EGFLAM: variants seen among roughly 807,000 people sequenced by gnomAD.
EGFLAM encodes the protein pikachurin.
A neutral mutation model predicts 113.1 loss-of-function variants in EGFLAM; 79 were observed. The observed-to-expected ratio is 0.70, with a 90% CI of 0.58 to 0.84. EGFLAM has a LOEUF of 0.84. Ranked by LOEUF, EGFLAM falls within the 40% of genes least tolerant of loss-of-function variation. EGFLAM has a pLI of 0.00. For synonymous variants in EGFLAM, 504 were observed against 487.6 expected (o/e 1.03, Z -0.44); for missense variants, 1,265 against 1,291.6 (o/e 0.98, Z 0.32).
chr5:38,369,542 T>C (rs1740150953), intron 5 of EGFLAM, among the ~76,000 whole-genome samples: 1 of 152,216 alleles, frequency 6.6e-6, no homozygotes, highest in Non-Finnish European at 1.5e-5. Context: ...GCTGGAGATA[T>C]ATATCTTATT....
chr5:38,442,088 C>T (rs1306851889), intron 17 of EGFLAM, among the ~76,000 whole-genome samples: 1 of 152,074 alleles, frequency 6.6e-6, no homozygotes, highest in Non-Finnish European at 1.5e-5. Flanking sequence ...TTACTTGAGT[C>T]ACATCATGTT....
chr5:38,348,923 A>G (rs1739544017), intron 3 of EGFLAM, among the ~76,000 whole-genome samples: 1 of 152,174 alleles, frequency 6.6e-6, no homozygotes, highest in African/African-American at 2.4e-5. Context: ...GCTTTAAACA[A>G]ATAGACTCCT....
chr5:38,325,314 A>G (rs1203212152), intron 1 of EGFLAM, among the ~76,000 whole-genome samples: 1 of 152,186 alleles, frequency 6.6e-6, no homozygotes, highest in Admixed American at 6.5e-5. Context: ...TTCCTCCACT[A>G]CCTCTGGCAA....
At chr5:38,446,582 G>A (rs1742721155) in intron 17 of EGFLAM, among the ~76,000 whole-genome samples, 1 of 152,072 alleles carries the variant, frequency 6.6e-6, no homozygotes, top group Non-Finnish European at 1.5e-5. Context: ...CCCAAACTAA[G>A]TGACAAGAGC....
At chr5:38,395,555 C>T (rs1740938418) in intron 6 of EGFLAM, among the ~76,000 whole-genome samples, 1 of 152,116 alleles carries the variant, frequency 6.6e-6, no homozygotes, top group Non-Finnish European at 1.5e-5. Context: ...CTGGTTTGAA[C>T]AACTTGCCCA....
At chr5:38,277,564 A>G (rs1344922642) in intron 1 of EGFLAM, among the ~76,000 whole-genome samples, 2 of 151,864 alleles carry the variant, frequency 1.3e-5, no homozygotes, top group African/African-American at 4.8e-5. Flanking sequence ...TAGCCAGAGA[A>G]ATTAGGCAAG....
intron 1 of EGFLAM, among the ~76,000 whole-genome samples, chr5:38,326,128 T>A (rs1266209794): frequency 6.6e-6 from 1 of 152,150 alleles, no homozygotes; most frequent in East Asian, 1.9e-4. Flanking sequence ...AGCCCTGGTC[T>A]TGGGCCTCTC....
intron 1 of EGFLAM, among the ~76,000 whole-genome samples, chr5:38,273,835 G>T (rs531011864): frequency 3.0e-4 from 46 of 152,304 alleles, no homozygotes; most frequent in Non-Finnish European, 5.1e-4. Flanking sequence ...TGGGAAACAT[G>T]ACATCATCAG....
chr5:38,443,042 G>A (rs113856782), intron 17 of EGFLAM, among the ~76,000 whole-genome samples: 1,859 of 152,174 alleles, frequency 0.012, 43 homozygotes, highest in African/African-American at 0.043. Flanking sequence ...GAGGCGGGCG[G>A]ATGACCTCAA....
intron 1 of EGFLAM, among the ~76,000 whole-genome samples, chr5:38,277,078 C>T (rs1757903353): frequency 6.6e-6 from 1 of 152,054 alleles, no homozygotes; most frequent in South Asian, 2.1e-4. Context: ...GCTAGCAGTA[C>T]CCTGATACCA....
intron 1 of EGFLAM, among the ~76,000 whole-genome samples, chr5:38,307,922 G>A (rs1177568805): frequency 6.6e-6 from 1 of 152,180 alleles, no homozygotes; most frequent in Non-Finnish European, 1.5e-5. Context: ...TCTTGGCTTT[G>A]ACTGCTGTCT....
intron 1 of EGFLAM, among the ~76,000 whole-genome samples, chr5:38,308,128 T>C (rs983520215): frequency 6.6e-6 from 1 of 152,252 alleles, no homozygotes; most frequent in African/African-American, 2.4e-5. Context: ...GCTTTTTAAA[T>C]AGTCCCTTTC....
chr5:38,380,483 G>T (rs1283757428), intron 6 of EGFLAM, among the ~76,000 whole-genome samples: 3 of 152,160 alleles, frequency 2.0e-5, no homozygotes, highest in Non-Finnish European at 4.4e-5. Context: ...CCTTTGCTAG[G>T]CATTATTCCA....
intron 1 of EGFLAM, among the ~76,000 whole-genome samples, chr5:38,299,302 C>G (rs1758517682): frequency 6.6e-6 from 1 of 152,160 alleles, no homozygotes; most frequent in African/African-American, 2.4e-5. Flanking sequence ...TTCTCATTTA[C>G]CTAAAAGTAT....
At chr5:38,334,263 G>A (rs1739127740) in intron 1 of EGFLAM, among the ~76,000 whole-genome samples, 1 of 152,076 alleles carries the variant, frequency 6.6e-6, no homozygotes, top group Non-Finnish European at 1.5e-5. Flanking sequence ...TAGTTTGTTT[G>A]GCTGCTATAT....
At chr5:38,306,025 C>A (rs1186872372) in intron 1 of EGFLAM, among the ~76,000 whole-genome samples, 1 of 152,148 alleles carries the variant, frequency 6.6e-6, no homozygotes, top group Non-Finnish European at 1.5e-5. Flanking sequence ...AGCACTTAAT[C>A]ACCAGAGACT....
At chr5:38,360,085 G>A (rs753176085) in intron 5 of EGFLAM, among the ~76,000 whole-genome samples, 2 of 152,162 alleles carry the variant, frequency 1.3e-5, no homozygotes, top group Non-Finnish European at 2.9e-5. Flanking sequence ...TATTCTGTAA[G>A]TAACAAAGGA....
At chr5:38,415,103 T>C (rs1394067421) in intron 11 of EGFLAM, among the ~76,000 whole-genome samples, 1 of 151,974 alleles carries the variant, frequency 6.6e-6, no homozygotes, top group Non-Finnish European at 1.5e-5. Context: ...GGCTCATGCC[T>C]CCAATACCAT....
intron 1 of EGFLAM, among the ~76,000 whole-genome samples, chr5:38,272,183 T>G (rs1382865033): frequency 6.6e-6 from 1 of 152,218 alleles, no homozygotes; most frequent in African/African-American, 2.4e-5. Context: ...GTCTGTGCTG[T>G]GAAATATGTC....
Sources: gnomAD v4.1 joint callset for allele counts (sites outside exome capture counted in the v4.1 genomes callset) on GRCh38, gnomAD v4.1.1 for gene constraint, MANE v1.5 for transcripts, NCBI Gene and HGNC (gene_info 2026-07-23, HGNC 2026-07-21) for gene names.